ITGA9: variants seen among roughly 807,000 people sequenced by gnomAD.
The protein encoded by ITGA9 is integrin alpha-9.
A neutral mutation model predicts 127.8 loss-of-function variants in ITGA9; 56 were observed. The observed-to-expected ratio is 0.44, with a 90% confidence interval of 0.35 to 0.55. ITGA9 has a LOEUF of 0.55. Ranked by LOEUF, ITGA9 falls within the 20% of genes least tolerant of loss-of-function variation. The pLI, the probability that ITGA9 is intolerant of heterozygous loss-of-function variation, is 0.00. For missense variants in ITGA9, 1,196 were observed against 1,347.1 expected, an observed-to-expected ratio of 0.89 and a Z score of 1.76; for synonymous variants, 508 against 514.5, an observed-to-expected ratio of 0.99 and a Z score of 0.17.
rs1414128662 is a variant in ITGA9 at position 37,452,570 on chromosome 3, G to T, written c.185+11G>T. 2.0e-6 allele frequency: 3 copies of T among 1,507,078 alleles called. No homozygotes were observed. Among genetic ancestry groups the T allele is most frequent in the Non-Finnish European group, 1.8e-6 (2 of 1,126,518 alleles). The allele number at this position is 1,507,078 out of a possible 1,614,324, so 93.4% of individuals were successfully genotyped here. On this transcript the variant is annotated intron_variant, in intron 1 of 27. Coordinates refer to ENST00000264741, the MANE Select transcript of ITGA9 (RefSeq NM_002207.3). This position sits in a 1 kb window ranked among gnomAD's most constrained non-coding sequence, Gnocchi z 7.3. Reference sequence around the variant, plus strand: ...CGACAACACGCGCTGGTGAGTGCCCGCCCGACTCCGCGACCCTGGCCCGCG... The same window carrying T: ...CGACAACACGCGCTGGTGAGTGCCCTCCCGACTCCGCGACCCTGGCCCGCG...
At chr3:37,790,275 T>C (rs1179459432) in intron 26 of ITGA9, 1 of 543,170 alleles carries the variant, frequency 1.8e-6, no homozygotes, top group African/African-American at 1.9e-5. Flanking sequence ...GCTTGTCATC[T>C]TTATGAGCAA....
chr3:37,651,312 G>A (rs746094619), intron 16 of ITGA9, among the ~76,000 whole-genome samples: 5 of 152,192 alleles, frequency 3.3e-5, no homozygotes, highest in African/African-American at 7.2e-5. Flanking sequence ...CCAATTCCTC[G>A]TGAGAAGTCT....
At chr3:37,627,335 G>A (rs1178158669) in intron 15 of ITGA9, among the ~76,000 whole-genome samples, 1 of 152,088 alleles carries the variant, frequency 6.6e-6, no homozygotes, top group Non-Finnish European at 1.5e-5. Context: ...GGCCATATCT[G>A]CCTCTCTTGC....
At position 37,470,916 on chromosome 3, in the gene ITGA9, G is replaced by A; in HGVS notation, c.186-91G>A. The A allele has an allele frequency of 2.2e-6, 3 of 1,352,830 alleles. No individual in the cohort carries two copies. The South Asian group carries it at 3.5e-5, about 16-fold the overall frequency. The allele number at this position is 1,352,830 out of a possible 1,614,324, so 83.8% of individuals were successfully genotyped here. A position where few individuals can be genotyped will look rare whatever the true frequency, so the allele number is the denominator to read the frequency against. On this transcript the variant is annotated intron_variant, in intron 1 of 27. Transcript: ENST00000264741. Reference sequence around the variant, plus strand: ...ATGATTTTCAAAGTGAGCACTCAGAGAGCCCACCCGTGGTTGGGTGAATAC... The same window carrying A: ...ATGATTTTCAAAGTGAGCACTCAGAAAGCCCACCCGTGGTTGGGTGAATAC...
chr3:37,625,434 C>T (rs923429662), intron 15 of ITGA9, among the ~76,000 whole-genome samples: 2 of 152,198 alleles, frequency 1.3e-5, no homozygotes, highest in Non-Finnish European at 2.9e-5. Flanking sequence ...AATTCTGCCA[C>T]CAGCCTGGGT....
intron 15 of ITGA9, among the ~76,000 whole-genome samples, chr3:37,580,561 C>T (rs1699700332): frequency 6.6e-6 from 1 of 152,198 alleles, no homozygotes; most frequent in African/African-American, 2.4e-5. Flanking sequence ...GGCTTTGGCC[C>T]ACAGCAGATG....
intron 15 of ITGA9, among the ~76,000 whole-genome samples, chr3:37,593,563 A>G (rs887598864): frequency 1.3e-5 from 2 of 152,152 alleles, no homozygotes; most frequent in Non-Finnish European, 2.9e-5. Context: ...TGGCAGGGAG[A>G]GAGAGGGAGA....
chr3:37,647,829 A>G (rs938416530), intron 16 of ITGA9, among the ~76,000 whole-genome samples: 1 of 151,908 alleles, frequency 6.6e-6, no homozygotes, highest in Non-Finnish European at 1.5e-5. Context: ...GCTGAATAAT[A>G]TTCCATTGTA....
intron 1 of ITGA9, among the ~76,000 whole-genome samples, chr3:37,458,233 G>A (rs1247181408): frequency 6.6e-6 from 1 of 152,154 alleles, no homozygotes; most frequent in Non-Finnish European, 1.5e-5. Context: ...AGAGTTACAC[G>A]CCTTGTTCAA....
intron 24 of ITGA9, among the ~76,000 whole-genome samples, chr3:37,779,651 CT>C (rs1202897754): frequency 1.3e-5 from 2 of 151,972 alleles, no homozygotes; most frequent in Non-Finnish European, 2.9e-5. Context: ...TCATCCAATT[CT>C]TGGTAGGATA....
chr3:37,640,824 C>T (rs141688893), intron 16 of ITGA9, among the ~76,000 whole-genome samples: 376 of 152,338 alleles, frequency 2.5e-3, no homozygotes, highest in African/African-American at 8.5e-3. Context: ...TCACCTGTCA[C>T]TGGGGGTGCC....
In ITGA9 at chr3:37,557,775, C is replaced by T. The variant is rs182655264; in HGVS notation, c.1689+15190C>T. ...ACATATGTTAATATGTGATTATATACAGAAAATTGTATCAGAATTATATCT... is the reference window on the plus strand; with the variant it reads ...ACATATGTTAATATGTGATTATATATAGAAAATTGTATCAGAATTATATCT... On this transcript the variant is annotated intron_variant, in intron 15 of 27. Transcript: ENST00000264741. 7.6e-3 allele frequency among the ~76,000 whole-genome samples: 1,149 copies of T among 152,142 alleles called. 8 individuals carry two copies. The highest frequency in any genetic ancestry group is 0.012 in the Non-Finnish European group (825 of 68,000).
rs140142793 is a variant in ITGA9, at chr3:37,812,015, G to A, written c.3010-6876G>A. On this transcript the variant is annotated intron_variant, in intron 27 of 27. Coordinates refer to ENST00000264741, the MANE Select transcript of ITGA9 (RefSeq NM_002207.3). ...TGGCTCAGAGAATGTGTAAGGTTTG[G>A]CAACCCCTCCAGAGGTCACTGGGTT... Among the ~76,000 whole-genome samples the A allele has an allele frequency of 9.0e-4, 137 of 152,320 alleles. 1 individual carries two copies. Among genetic ancestry groups the A allele is most frequent in the African/African-American group, 3.1e-3 (130 of 41,570 alleles).
At chr3:37,566,844 C>T (rs1214970434) in intron 15 of ITGA9, among the ~76,000 whole-genome samples, 1 of 152,190 alleles carries the variant, frequency 6.6e-6, no homozygotes, top group Non-Finnish European at 1.5e-5. Context: ...ACCATGTATT[C>T]CCTGAATGTC....
chr3:37,499,429 G>A (rs1032519508), intron 5 of ITGA9, among the ~76,000 whole-genome samples: 1 of 152,202 alleles, frequency 6.6e-6, no homozygotes, highest in Admixed American at 6.5e-5. Flanking sequence ...AATGCATCTT[G>A]GGAAAAAGCT....
chr3:37,661,984 G>A (rs1700541148), intron 17 of ITGA9, among the ~76,000 whole-genome samples: 1 of 152,246 alleles, frequency 6.6e-6, no homozygotes, highest in Non-Finnish European at 1.5e-5. Context: ...GGAGAACACA[G>A]TGAGAGACAG....
chr3:37,808,077 T>G (rs1697320014), intron 27 of ITGA9: 1 of 152,160 alleles, frequency 6.6e-6, no homozygotes, highest in African/African-American at 2.4e-5. Context: ...AGGAAGCCCC[T>G]TCTCTCTACT....
chr3:37,650,370 AC>A (rs1700417826), intron 16 of ITGA9, among the ~76,000 whole-genome samples: 1 of 152,114 alleles, frequency 6.6e-6, no homozygotes, highest in African/African-American at 2.4e-5. Context: ...AAAATAATTT[AC>A]CTGCACAGAG....
At chr3:37,565,703 C>T (rs1216543600) in intron 15 of ITGA9, among the ~76,000 whole-genome samples, 1 of 152,186 alleles carries the variant, frequency 6.6e-6, no homozygotes, top group Admixed American at 6.5e-5. Flanking sequence ...TTATATTGCT[C>T]TCCCTGCCCC....
Sources: allele counts gnomAD v4.1 joint callset (sites outside exome capture counted in the v4.1 genomes callset), GRCh38; gene constraint gnomAD v4.1.1; non-coding constraint Gnocchi (gnomAD v3.1); transcripts MANE v1.5; gene names NCBI Gene and HGNC (gene_info 2026-07-23, HGNC 2026-07-21).